PDE4D: variants seen among roughly 807,000 people sequenced by gnomAD.
The protein encoded by PDE4D is phosphodiesterase 4D, also known as 3',5'-cyclic-AMP phosphodiesterase 4D.
In PDE4D, 24 loss-of-function variants were observed where a neutral mutation model predicts 87.4. The observed-to-expected ratio is 0.27, with a 90% confidence interval of 0.20 to 0.39. The LOEUF (loss-of-function observed/expected upper bound fraction) is 0.39, where lower values mean the gene tolerates loss of function less well. Among genes scored for constraint, PDE4D ranks in the 10% least tolerant of loss-of-function variants. The pLI is 1.00. For synonymous variants in PDE4D, 384 were observed against 383.2 expected, an observed-to-expected ratio of 1.00 and a Z score of -0.02; for missense variants, 714 against 1,041.0, an observed-to-expected ratio of 0.69 and a Z score of 4.32.
intron 3 of PDE4D, among the ~76,000 whole-genome samples, chr5:59,904,621 T>C (rs894131226): frequency 7.2e-5 from 11 of 152,140 alleles, no homozygotes; most frequent in African/African-American, 2.7e-4. Flanking sequence ...ACCACAATTC[T>C]CCCTTAAGAT....
intron 1 of PDE4D, among the ~76,000 whole-genome samples, chr5:59,630,252 G>C (rs908378463): frequency 3.3e-5 from 5 of 152,132 alleles, no homozygotes; most frequent in African/African-American, 9.7e-5. Flanking sequence ...GCATTGTGAT[G>C]TAAAGTCTAC....
intron 2 of PDE4D, among the ~76,000 whole-genome samples, chr5:60,167,143 C>G (rs992205687): frequency 6.6e-6 from 1 of 151,960 alleles, no homozygotes; most frequent in South Asian, 2.1e-4. Flanking sequence ...ACTTTCTACT[C>G]CTTTGTTTTT....
intron 1 of PDE4D, among the ~76,000 whole-genome samples, chr5:60,411,513 TA>T (rs1742043374): frequency 6.6e-6 from 1 of 152,150 alleles, no homozygotes; most frequent in Non-Finnish European, 1.5e-5. Context: ...AATTATTATA[TA>T]AAACCAAGGC....
chr5:59,135,569 A>C (rs1231832191), intron 5 of PDE4D, among the ~76,000 whole-genome samples: 5 of 152,180 alleles, frequency 3.3e-5, no homozygotes, highest in Non-Finnish European at 5.9e-5. Context: ...ACTTATTTGC[A>C]ACCCAGCACT....
intron 6 of PDE4D, among the ~76,000 whole-genome samples, chr5:59,004,082 T>G (rs1368206543): frequency 6.6e-6 from 1 of 152,046 alleles, no homozygotes; most frequent in African/African-American, 2.4e-5. Flanking sequence ...TAAATACACT[T>G]CCTTCATAAT....
chr5:59,736,868 A>G (rs947959221), intron 1 of PDE4D, among the ~76,000 whole-genome samples: 5 of 152,200 alleles, frequency 3.3e-5, no homozygotes, highest in Non-Finnish European at 7.3e-5. Context: ...TTTCAAAGGT[A>G]GGATTATAAC....
At chr5:59,330,570 C>A (rs1368100646) in intron 1 of PDE4D, among the ~76,000 whole-genome samples, 2 of 152,162 alleles carry the variant, frequency 1.3e-5, no homozygotes, top group African/African-American at 4.8e-5. Flanking sequence ...AAGCTACCTT[C>A]CCCTGAAGTA....
intron 1 of PDE4D, among the ~76,000 whole-genome samples, chr5:59,559,478 T>C (rs996714783): frequency 1.3e-5 from 2 of 152,198 alleles, no homozygotes; most frequent in Non-Finnish European, 2.9e-5. Flanking sequence ...ATGTTTGTTT[T>C]GGAGAAGTTT....
At chr5:59,739,310 T>C (rs112467016) in intron 1 of PDE4D, among the ~76,000 whole-genome samples, 52 of 152,070 alleles carry the variant, frequency 3.4e-4, no homozygotes, top group Non-Finnish European at 5.9e-4. Flanking sequence ...GTCCCAGCTA[T>C]TCGGGAGGCT....
At chr5:60,504,162 T>C (rs551886555) in intron 1 of PDE4D, among the ~76,000 whole-genome samples, 35 of 152,284 alleles carry the variant, frequency 2.3e-4, no homozygotes, top group African/African-American at 8.2e-4. Context: ...TGCAGTCTCC[T>C]GGGGACTATG....
chr5:59,523,697 T>A (rs1812613129), intron 1 of PDE4D, among the ~76,000 whole-genome samples: 1 of 152,354 alleles, frequency 6.6e-6, no homozygotes, highest in East Asian at 1.9e-4. Flanking sequence ...TTTGATATGG[T>A]CTGGTTCTGT....
chr5:59,545,535 G>A (rs1817123657), intron 1 of PDE4D, among the ~76,000 whole-genome samples: 1 of 152,018 alleles, frequency 6.6e-6, no homozygotes, highest in South Asian at 2.1e-4. Context: ...ACTAAAAATT[G>A]GATAAAAGTC....
At chr5:60,464,666 G>C (rs2150178860) in intron 1 of PDE4D, among the ~76,000 whole-genome samples, 1 of 152,240 alleles carries the variant, frequency 6.6e-6, no homozygotes, top group East Asian at 1.9e-4. Context: ...CTCTGATCTT[G>C]GCTGCCAAAA....
intron 1 of PDE4D, among the ~76,000 whole-genome samples, chr5:59,648,897 T>A (rs298021): frequency 0.38 from 57,649 of 151,904 alleles, 11,513 homozygotes; most frequent in East Asian, 0.74. Flanking sequence ...TAAAAATGAG[T>A]CCTAGGCAAC....
intron 1 of PDE4D, among the ~76,000 whole-genome samples, chr5:59,702,297 G>C (rs1006433315): frequency 1.3e-5 from 2 of 151,898 alleles, no homozygotes; most frequent in African/African-American, 4.8e-5. Flanking sequence ...CTAATTTTTT[G>C]TATTTTTTAG....
At chr5:59,006,962 T>A (rs375250545) in intron 6 of PDE4D, among the ~76,000 whole-genome samples, 1 of 152,164 alleles carries the variant, frequency 6.6e-6, no homozygotes, top group South Asian at 2.1e-4. Context: ...GGGCCAGGAT[T>A]TGAACCCAGA....
At chr5:59,655,063 A>G (rs1744135495) in intron 1 of PDE4D, among the ~76,000 whole-genome samples, 1 of 152,036 alleles carries the variant, frequency 6.6e-6, no homozygotes, top group African/African-American at 2.4e-5. Context: ...CTAGAAGTAG[A>G]ATTGCTGGAT....
At chr5:59,527,015 A>G (rs1208163767) in intron 1 of PDE4D, among the ~76,000 whole-genome samples, 1 of 152,182 alleles carries the variant, frequency 6.6e-6, no homozygotes, top group Non-Finnish European at 1.5e-5. Context: ...TATTACAAAG[A>G]ATGTTTTTGG....
intron 1 of PDE4D, among the ~76,000 whole-genome samples, chr5:60,316,796 A>C (rs1036625815): frequency 5.3e-5 from 8 of 152,180 alleles, no homozygotes; most frequent in South Asian, 2.1e-4. Context: ...ATGTTTACTG[A>C]TTTGCGTCTG....
Sources: allele counts gnomAD v4.1 joint callset (sites outside exome capture counted in the v4.1 genomes callset), GRCh38; gene constraint gnomAD v4.1.1; transcripts MANE v1.5; gene names NCBI Gene and HGNC (gene_info 2026-07-23, HGNC 2026-07-21).